Variants in DDHD2 observed in about 807,000 individuals in gnomAD.
DDHD2 encodes the protein triacylglycerol hydrolase DDHD2.
In DDHD2, 62 loss-of-function variants were observed where a neutral mutation model predicts 91.2. The observed-to-expected ratio is 0.68, with a 90% confidence interval of 0.55 to 0.84. DDHD2 has a LOEUF of 0.84. Among genes scored for constraint, DDHD2 ranks in the 40% least tolerant of loss-of-function variants. The probability of loss-of-function intolerance (pLI) is 0.00; values close to 1 mark genes in which losing one functional copy is unlikely to be tolerated. For synonymous variants in DDHD2, 271 were observed against 293.9 expected (o/e 0.92, Z 0.80); for missense variants, 740 against 846.9 (o/e 0.87, Z 1.57).
intron 4 of DDHD2, 71 bp from the exon 5 acceptor site, chr8:38,238,018 C>A: frequency 7.0e-7 from 1 of 1,434,370 alleles, no homozygotes; most frequent in Non-Finnish European, 9.3e-7. Context: ...TGATTCTACA[C>A]TTAAAACTGC....
chr8:38,268,244 C>T, intron 1 of DDHD2: 1 of 1,086,182 alleles, frequency 9.2e-7, no homozygotes, highest in Non-Finnish European at 1.3e-6. Context: ...TCCTCTCCCG[C>T]GGGGATAGAG....
At chr8:38,241,938 C>T (rs1344196500) in intron 6 of DDHD2, 1 of 220,652 alleles carries the variant, frequency 4.5e-6, no homozygotes, top group Admixed American at 6.1e-5. Context: ...CCTGTAATCC[C>T]AGATCCTCAA....
At chr8:38,269,267 C>G in intron 1 of DDHD2, 2 of 1,349,618 alleles carry the variant, frequency 1.5e-6, no homozygotes, top group Non-Finnish European at 1.9e-6. Context: ...GGGCCGGGAA[C>G]TGGGCACCGC....
At chr8:38,250,660 G>A (rs573860295) in intron 11 of DDHD2, 2 of 152,034 alleles carry the variant, frequency 1.3e-5, no homozygotes, top group Admixed American at 1.3e-4. Context: ...TTTCATGAGA[G>A]TTTTACCAAT....
Position 38,251,914 on chromosome 8 carries a change from T to C in DDHD2, c.1347T>C (p.Gly449=), listed in dbSNP as rs1806140192. Residue 449 remains glycine (G), a splice_region_variant and synonymous_variant, in exon 12 of 18, where the codon GGT becomes GGC. Transcript: ENST00000397166. ...CATAACTATTTTTTATTCTTTAGGG[T>C]ATTAAGAGACCAGCCCCGCAGCCTG... ...NYFSTRKNSM[G]IKRPAPQPAS... 6.2e-7 allele frequency: 1 copy of C among 1,611,616 alleles called. No homozygotes were observed. Among genetic ancestry groups the C allele is most frequent in the African/African-American group, 1.3e-5 (1 of 74,972 alleles).
chr8:38,267,790 TA>T, downstream of DDHD2: 1 of 1,152,806 alleles, frequency 8.7e-7, no homozygotes. Flanking sequence ...AGAGTGAAGA[TA>T]AAGGAGAAAA....
chr8:38,273,533 T>C (rs963293858), downstream of DDHD2: 2 of 152,114 alleles, frequency 1.3e-5, no homozygotes, highest in Admixed American at 6.6e-5. Context: ...GGAGATAAGA[T>C]TTCATGTTGG....
downstream of DDHD2, chr8:38,264,896 A>T (rs566329178): frequency 6.2e-7 from 1 of 1,612,852 alleles, no homozygotes; most frequent in African/African-American, 1.3e-5. Flanking sequence ...TCAGAAGAGT[A>T]ACAAAGGTCC....
chr8:38,268,508 A>C, intron 1 of DDHD2: 1 of 1,545,640 alleles, frequency 6.5e-7, no homozygotes, highest in Non-Finnish European at 8.7e-7. Flanking sequence ...AAAAAGCCAC[A>C]CTCGTGCTCC....
chr8:38,259,084 C>A (rs1188125595), intron 16 of DDHD2, among the ~76,000 whole-genome samples: 2 of 152,056 alleles, frequency 1.3e-5, no homozygotes, highest in Non-Finnish European at 2.9e-5. Context: ...GAATTTGGAA[C>A]CTTATGATTG....
chr8:38,265,091 C>T, downstream of DDHD2: 5 of 649,334 alleles, frequency 7.7e-6, no homozygotes, highest in Non-Finnish European at 1.4e-5. Flanking sequence ...ACAAGTGAAA[C>T]CCTGTCTCTA....
downstream of DDHD2, chr8:38,263,639 A>C (rs1275352871): frequency 1.0e-6 from 1 of 985,428 alleles, no homozygotes. Flanking sequence ...ATTACCCTAG[A>C]TTCGACATTT....
chr8:38,235,460 G>A (rs138533825), intron 3 of DDHD2, among the ~76,000 whole-genome samples: 56 of 152,194 alleles, frequency 3.7e-4, no homozygotes, highest in Non-Finnish European at 7.6e-4. Context: ...GGTGGCTCAC[G>A]CCTGTAATCC....
downstream of DDHD2, chr8:38,263,702 G>A (rs1352652433): frequency 8.1e-6 from 8 of 985,120 alleles, no homozygotes; most frequent in Non-Finnish European, 9.6e-6. Context: ...CAGAATCAAA[G>A]TAATTTAGTT....
At chr8:38,267,252 A>C (rs774616743), downstream of DDHD2, 1 of 1,613,878 alleles carries the variant, frequency 6.2e-7, no homozygotes, top group African/African-American at 1.3e-5. Flanking sequence ...GGTAGAGTCC[A>C]TATGATATTC....
At chr8:38,236,194 A>G (rs1804730391) in intron 3 of DDHD2, among the ~76,000 whole-genome samples, 1 of 150,562 alleles carries the variant, frequency 6.6e-6, no homozygotes, top group Non-Finnish European at 1.5e-5. Flanking sequence ...TTGTATTTTT[A>G]GTAGAGACGG....
chr8:38,234,635 A>G, intron 3 of DDHD2, 51 bp downstream of exon 3: 1 of 1,418,230 alleles, frequency 7.1e-7, no homozygotes, highest in Non-Finnish European at 9.6e-7. Context: ...TTATTTAATA[A>G]TCTTTTCTTT....
chr8:38,245,700 T>C (rs746159850), intron 7 of DDHD2, 42 bp from the exon 8 acceptor site: 2 of 1,524,328 alleles, frequency 1.3e-6, no homozygotes, highest in South Asian at 1.1e-5. Flanking sequence ...AGCTATTAAG[T>C]GTATTTAGGT....
intron 17 of DDHD2, 57 bp downstream of exon 17, chr8:38,260,204 T>G: frequency 1.0e-6 from 1 of 980,582 alleles, no homozygotes. Context: ...CATGTTATAA[T>G]GAACTATGGA....
Sources: allele counts gnomAD v4.1 joint callset (sites outside exome capture counted in the v4.1 genomes callset), GRCh38; gene constraint gnomAD v4.1.1; transcripts MANE v1.5; gene names NCBI Gene and HGNC (gene_info 2026-07-23, HGNC 2026-07-21).